CYP2A13: variants seen among roughly 807,000 people sequenced by gnomAD.
The protein encoded by CYP2A13 is cytochrome P450 family 2 subfamily A member 13.
In CYP2A13, 30 loss-of-function variants were observed where a neutral mutation model predicts 39.4. That is an observed-to-expected ratio of 0.76 (90% CI 0.57 to 1.03). CYP2A13 has a LOEUF of 1.03. Ranked by LOEUF, CYP2A13 falls within the 50% of genes least tolerant of loss-of-function variation. The pLI, the probability that CYP2A13 is intolerant of heterozygous loss-of-function variation, is 0.00. For missense variants in CYP2A13, 731 were observed against 648.4 expected (o/e 1.13, Z -1.38); for synonymous variants, 269 against 254.7 (o/e 1.06, Z -0.54).
At position 41,088,625 on chromosome 19, in the gene CYP2A13, G is replaced by C. The variant is rs760245602; in HGVS notation, c.154G>C (p.Glu52Gln). 6.2e-7 allele frequency: 1 copy of C among 1,613,994 alleles called. No homozygotes were observed. The highest frequency in any genetic ancestry group is 1.1e-5 in the South Asian group (1 of 91,056). The change falls in exon 1 of 9, where the codon GAG (glutamate) becomes CAG (glutamine). Residue 52 changes from glutamate to glutamine, a missense_variant. Transcript: ENST00000330436. ...FIGNYLQLNT[E>Q]QMYNSLMKIS... ...TGGAAACTACCTGCAGCTGAACACA[G>C]AGCAGATGTACAACTCCCTCATGAA... is the stretch of plus-strand genomic sequence containing the variant.
In CYP2A13 at chr19:41,088,475, C is replaced by A; in HGVS notation, c.4C>A (p.Leu2Met). MLASGLLLVTLL... is the reference protein window; with the variant it reads MMASGLLLVTLL... The stretch of plus-strand genomic sequence containing the variant: ...CATCTATCATCCCACTGCCACCATG[C>A]TGGCCTCAGGGCTGCTTCTGGTGAC... Residue 2 changes from leucine (L) to methionine (M), a missense_variant, in exon 1 of 9, where the codon CTG (leucine) becomes ATG (methionine). Physicochemically the swap from Leu to Met is conservative, Grantham distance 15. Transcript: ENST00000330436. 6.2e-7 allele frequency: 1 copy of A among 1,613,004 alleles called. No individual in the cohort carries two copies.
In CYP2A13 at chr19:41,088,731, G is replaced by A. The variant is rs112023669; in HGVS notation, c.180+80G>A. 2.6e-3 allele frequency: 4,093 copies of A among 1,561,874 alleles called. 64 individuals carry two copies. In the African/African-American group the frequency reaches 0.032, roughly 12 times the overall value. On this transcript the variant is annotated intron_variant, in intron 1 of 8. Coordinates refer to ENST00000330436, the MANE Select transcript of CYP2A13 (RefSeq NM_000766.5). ...GGGCTTTGTGGCAGGGGATTGACCA[G>A]TGTGGACCAGAGTCTTAGGAAAGGG...
rs370873853 is a variant in CYP2A13, at chr19:41,088,982, C to A, written c.234C>A (p.Val78=). 1 of 1,613,950 alleles carries A rather than the reference C, an allele frequency of 6.2e-7. No individual in the cohort carries two copies. Residue 78 remains valine, a synonymous_variant, in exon 2 of 9, where the codon GTC becomes GTA. Transcript: ENST00000330436. Reference sequence around the variant, plus strand: ...CCATTCACTTGGGGCCCCGGCGGGTCGTGGTGCTGTGCGGACATGATGCCG... The same window carrying A: ...CCATTCACTTGGGGCCCCGGCGGGTAGTGGTGCTGTGCGGACATGATGCCG... The part of the protein sequence containing the change: ...VFTIHLGPRR[V]VVLCGHDAVK...
rs780354706 is a variant in CYP2A13 at position 41,095,951 on chromosome 19, G to T, written c.*10G>T. ...CTTCCTGCCCCGCTGAGCGAGGGCT[G>T]TGCTGGTGCAGGGCTGGTGGGCGGG... is the stretch of plus-strand genomic sequence containing the variant. On this transcript the variant is annotated 3_prime_UTR_variant, in exon 9 of 9. Coordinates refer to ENST00000330436, the MANE Select transcript of CYP2A13 (RefSeq NM_000766.5). 1 of 1,611,880 alleles carries T rather than the reference G, an allele frequency of 6.2e-7. No homozygotes were observed. The highest frequency in any genetic ancestry group is 8.5e-7 in the Non-Finnish European group (1 of 1,178,690).
In CYP2A13 at chr19:41,093,914, G is replaced by A. The variant is rs558920258; in HGVS notation, c.973+143G>A. The A allele has an allele frequency of 8.5e-5, 83 of 981,920 alleles. No homozygotes were observed. In the African/African-American group the frequency reaches 1.1e-3, roughly 13 times the overall value. The allele number at this position is 981,920 out of a possible 1,614,324, so 60.8% of individuals were successfully genotyped here. On this transcript the variant is annotated intron_variant, in intron 6 of 8. Coordinates refer to ENST00000330436, the MANE Select transcript of CYP2A13 (RefSeq NM_000766.5). ...GAGACAGGACAATATTCAGCTGATA[G>A]GCATCAGCTGAGTCTCATTAGCTAT...
chr19:41,094,189 T>C, intron 6 of CYP2A13, 56 bp from the exon 7 acceptor site: 1 of 1,595,068 alleles, frequency 6.3e-7, no homozygotes, highest in Non-Finnish European at 8.5e-7. Flanking sequence ...CTATTCGGAC[T>C]ATCATCCCTG....
intron 5 of CYP2A13, among the ~76,000 whole-genome samples, chr19:41,092,407 C>G (rs1355499555): frequency 2.0e-5 from 3 of 151,146 alleles, no homozygotes; most frequent in Non-Finnish European, 4.4e-5. Context: ...CCCACAAGCA[C>G]GACTTATGCA....
At chr19:41,089,293 C>A (rs2031115189) in intron 2 of CYP2A13, among the ~76,000 whole-genome samples, 1 of 152,092 alleles carries the variant, frequency 6.6e-6, no homozygotes, top group Non-Finnish European at 1.5e-5. Flanking sequence ...TTCCTCCCTG[C>A]CTCTCTCTGC....
In CYP2A13 at chr19:41,090,029, C is replaced by G. The variant is rs769755765; in HGVS notation, c.344-18C>G. The stretch of plus-strand genomic sequence containing the variant: ...GCCGCCCCCTGACCTCTCTCCACCC[C>G]CGCGTTCACCTCCCCAGGCGTGGCG... On this transcript the variant is annotated intron_variant, in intron 2 of 8. Coordinates refer to ENST00000330436, the MANE Select transcript of CYP2A13 (RefSeq NM_000766.5). 5 of 1,610,392 alleles carry G rather than the reference C, an allele frequency of 3.1e-6. No individual in the cohort carries two copies. Among genetic ancestry groups the G allele is most frequent in the South Asian group, 2.2e-5 (2 of 90,672 alleles).
chr19:41,088,716 G>A, intron 1 of CYP2A13, 65 bp downstream of exon 1: 1 of 1,577,676 alleles, frequency 6.3e-7, no homozygotes, highest in Admixed American at 1.7e-5. Context: ...GGGCTTTGTG[G>A]CAGGGGATTG....
chr19:41,094,107 C>A, intron 6 of CYP2A13, 138 bp from the exon 7 acceptor site: 1 of 1,373,540 alleles, frequency 7.3e-7, no homozygotes, highest in Non-Finnish European at 9.8e-7. Context: ...ATGCGAATGG[C>A]TGATGTCTGT....
rs780421456 is a variant in CYP2A13, at chr19:41,089,017, C to T, written c.269C>T (p.Ala90Val). ...VLCGHDAVKEALVDQAEEFSG... is the reference protein window; with the variant it reads ...VLCGHDAVKEVLVDQAEEFSG... ...TGCGGACATGATGCCGTCAAGGAGG[C>T]TCTGGTGGACCAGGCTGAGGAGTTC... is the stretch of plus-strand genomic sequence containing the variant. The change falls in exon 2 of 9, where the codon GCT (alanine) becomes GTT (valine). Residue 90 changes from alanine (A) to valine (V), a missense_variant. By Grantham distance (64) the Ala-to-Val change is moderately conservative (BLOSUM62 0). Coordinates refer to ENST00000330436, the MANE Select transcript of CYP2A13 (RefSeq NM_000766.5). 11 of 1,613,652 alleles carry T rather than the reference C, an allele frequency of 6.8e-6. No individual in the cohort carries two copies. In the Admixed American group the frequency reaches 1.7e-4, roughly 24 times the overall value.
chr19:41,092,869 A>G (rs1441662679), intron 5 of CYP2A13, among the ~76,000 whole-genome samples: 1 of 152,186 alleles, frequency 6.6e-6, no homozygotes, highest in African/African-American at 2.4e-5. Flanking sequence ...TTTAGGGAAG[A>G]AATAGGATGC....
intron 2 of CYP2A13, among the ~76,000 whole-genome samples, chr19:41,089,468 C>T (rs1048464083): frequency 1.5e-4 from 23 of 152,112 alleles, no homozygotes; most frequent in South Asian, 6.2e-4. Flanking sequence ...CTCTGCTTCC[C>T]TCTCCCACTT....
chr19:41,090,021 C>T (rs779869857), intron 2 of CYP2A13, 26 bp from the exon 3 acceptor site: 3 of 1,607,576 alleles, frequency 1.9e-6, no homozygotes, highest in Non-Finnish European at 2.5e-6. Context: ...CCTGACCTCT[C>T]TCCACCCCCG....
chr19:41,092,275 C>T (rs1277324542), intron 5 of CYP2A13, among the ~76,000 whole-genome samples: 4 of 138,996 alleles, frequency 2.9e-5, no homozygotes, highest in Non-Finnish European at 6.0e-5. Context: ...GGGATCATGC[C>T]ACTGCACTCC....
rs1428941058 is a variant in CYP2A13, at chr19:41,088,777, A to C, written c.180+126A>C. On this transcript the variant is annotated intron_variant, in intron 1 of 8. Transcript: ENST00000330436. ...AAGGGAGTCTTGGAGTTTCAGCATC[A>C]GGGTCCTAGCAGGAAAGACAGGATC... 8.5e-6 allele frequency: 13 copies of C among 1,535,110 alleles called. No individual in the cohort carries two copies. The Admixed American group carries it at 2.0e-4, about 23-fold the overall frequency.
At chr19:41,091,249 C>T (rs1014127963) in intron 4 of CYP2A13, among the ~76,000 whole-genome samples, 12 of 152,192 alleles carry the variant, frequency 7.9e-5, no homozygotes, top group Non-Finnish European at 1.8e-4. Flanking sequence ...ACTTCAACAT[C>T]TTCACCAGCC....
chr19:41,090,411 T>A lies in CYP2A13; in HGVS notation c.501T>A (p.Asn167Lys). 1 of 1,614,058 alleles carries A rather than the reference T, an allele frequency of 6.2e-7. No homozygotes were observed. The highest frequency in any genetic ancestry group is 8.5e-7 in the Non-Finnish European group (1 of 1,180,008). Residue 167 changes from asparagine (N) to lysine (K), a missense_variant, in exon 4 of 9, where the codon AAT becomes AAA. Coordinates refer to ENST00000330436, the MANE Select transcript of CYP2A13 (RefSeq NM_000766.5). Reference protein sequence around the residue: ...IDALRGTHGANIDPTFFLSRT... With the variant: ...IDALRGTHGAKIDPTFFLSRT... ...CTCCCGCCACACCTGCAGGCGCCAA[T>A]ATCGATCCCACCTTCTTCCTGAGCC...
Sources: gnomAD v4.1 joint callset for allele counts (sites outside exome capture counted in the v4.1 genomes callset) on GRCh38, gnomAD v4.1.1 for gene constraint, MANE v1.5 for transcripts, NCBI Gene and HGNC (gene_info 2026-07-23, HGNC 2026-07-21) for gene names.